The following SPRED2 variants were observed in gnomAD, a reference collection of about 807,000 sequenced individuals.
SPRED2 encodes the protein sprouty-related, EVH1 domain-containing protein 2.
A neutral mutation model predicts 43.0 loss-of-function variants in SPRED2; 47 were observed. That is an observed-to-expected ratio of 1.09 (90% confidence interval 0.87 to 1.40). SPRED2 has a LOEUF of 1.40. SPRED2 is among the 40% of genes most tolerant of loss of function. The pLI, the probability that SPRED2 is intolerant of heterozygous loss-of-function variation, is 0.00. For synonymous variants in SPRED2, 225 were observed against 225.7 expected, an observed-to-expected ratio of 1.00 and a Z score of 0.03; for missense variants, 561 against 586.4, an observed-to-expected ratio of 0.96 and a Z score of 0.45.
At chr2:65,353,754 G>C (rs1674572915) in intron 1 of SPRED2, among the ~76,000 whole-genome samples, 1 of 152,072 alleles carries the variant, frequency 6.6e-6, no homozygotes, top group South Asian at 2.1e-4. Flanking sequence ...AGATAATATA[G>C]ATTTAACTTA....
chr2:65,347,428 C>A (rs1674384401), intron 1 of SPRED2, among the ~76,000 whole-genome samples: 1 of 152,110 alleles, frequency 6.6e-6, no homozygotes, highest in South Asian at 2.1e-4. Flanking sequence ...CTACATTTCC[C>A]TGATCTGTCC....
rs550742838 is a variant in SPRED2 at position 65,370,794 on chromosome 2, GACC to G, written c.27-25901_27-25899del. Among the ~76,000 whole-genome samples, 415 of 152,174 alleles carry G rather than the reference GACC, an allele frequency of 2.7e-3. 2 individuals carry two copies. The highest frequency in any genetic ancestry group is 9.1e-3 in the African/African-American group (379 of 41,488). On this transcript the variant is annotated intron_variant, in intron 1 of 5. Transcript: ENST00000356388. ...GGTCTTTCCATCTCCCCTCTTTCCTGACCAGCCCATTCAGAAAGGACCTCCCCT... is the reference window on the plus strand; with the variant it reads ...GGTCTTTCCATCTCCCCTCTTTCCTGAGCCCATTCAGAAAGGACCTCCCCT...
intron 2 of SPRED2, among the ~76,000 whole-genome samples, chr2:65,338,202 C>CG (rs145091801): frequency 2.1e-5 from 2 of 97,146 alleles, no homozygotes; most frequent in African/African-American, 8.6e-5. Flanking sequence ...TCCCGTCTCC[C>CG]TCTCCCTCTC....
At chr2:65,416,152 CGGGAGGAT>C (rs1162729956) in intron 1 of SPRED2, among the ~76,000 whole-genome samples, 4 of 152,116 alleles carry the variant, frequency 2.6e-5, no homozygotes, top group South Asian at 2.1e-4. Context: ...AATACCAACT[CGGGAGGAT>C]GGGAGGATGG....
chr2:65,350,214 G>A (rs1390865935), intron 1 of SPRED2, among the ~76,000 whole-genome samples: 1 of 152,202 alleles, frequency 6.6e-6, no homozygotes, highest in African/African-American at 2.4e-5. Context: ...TTTGTTAGTG[G>A]TGGGGGGATG....
intron 1 of SPRED2, among the ~76,000 whole-genome samples, chr2:65,378,554 G>T (rs1171849044): frequency 1.3e-5 from 2 of 152,176 alleles, no homozygotes; most frequent in East Asian, 3.9e-4. Flanking sequence ...CGGTAAAAAG[G>T]AAAAAGAGCT....
chr2:65,322,029 C>T (rs1356734840), intron 4 of SPRED2, among the ~76,000 whole-genome samples: 1 of 151,748 alleles, frequency 6.6e-6, no homozygotes, highest in Non-Finnish European at 1.5e-5. Flanking sequence ...CCCACCTTGT[C>T]CTCCTAAAGT....
In SPRED2 at chr2:65,420,148, T is replaced by C. The variant is rs140357234; in HGVS notation, c.26+11814A>G. Among the ~76,000 whole-genome samples the C allele has an allele frequency of 3.5e-5, 5 of 144,288 alleles. No homozygotes were observed. The East Asian group carries it at 1.0e-3, about 29-fold the overall frequency. The allele number at this position is 144,288 out of a possible 152,430, so 94.7% of individuals were successfully genotyped here. Reference sequence around the variant, plus strand: ...TCGCTTGAACCCAGGAGGCGGCAGTTGCAGTGAGCCAAGACTGCACCACTG... The same window carrying C: ...TCGCTTGAACCCAGGAGGCGGCAGTCGCAGTGAGCCAAGACTGCACCACTG... On this transcript the variant is annotated intron_variant, in intron 1 of 5. Transcript: ENST00000356388.
At chr2:65,323,189 T>A (rs1673485288) in intron 4 of SPRED2, among the ~76,000 whole-genome samples, 1 of 152,148 alleles carries the variant, frequency 6.6e-6, no homozygotes, top group African/African-American at 2.4e-5. Context: ...GAGACAGGGT[T>A]TCGCCATGTT....
At chr2:65,327,357 T>C (rs1156338811) in intron 4 of SPRED2, among the ~76,000 whole-genome samples, 1 of 152,120 alleles carries the variant, frequency 6.6e-6, no homozygotes, top group Non-Finnish European at 1.5e-5. Context: ...TGAGATGATA[T>C]ATATGTAAAT....
At chr2:65,307,957 C>A (rs952672438), downstream of SPRED2, among the ~76,000 whole-genome samples, 30 of 152,174 alleles carry the variant, frequency 2.0e-4, no homozygotes, top group African/African-American at 7.0e-4. Context: ...CCCGCCCCCC[C>A]CATTCACACA....
intron 1 of SPRED2, among the ~76,000 whole-genome samples, chr2:65,376,819 A>AC (rs1344813883): frequency 6.6e-6 from 1 of 151,972 alleles, no homozygotes; most frequent in Non-Finnish European, 1.5e-5. Context: ...GGTTTACGCC[A>AC]TTCTCCTGCC....
intron 1 of SPRED2, among the ~76,000 whole-genome samples, chr2:65,392,826 C>G (rs1675668885): frequency 6.6e-6 from 1 of 152,228 alleles, no homozygotes; most frequent in Non-Finnish European, 1.5e-5. Context: ...CCTCCCCCTC[C>G]TCCAAGCCCT....
At chr2:65,365,211 T>C (rs1408177159) in intron 1 of SPRED2, among the ~76,000 whole-genome samples, 1 of 152,222 alleles carries the variant, frequency 6.6e-6, no homozygotes, top group Non-Finnish European at 1.5e-5. Flanking sequence ...TCCTCTACCA[T>C]AATTAGCACG....
intron 1 of SPRED2, among the ~76,000 whole-genome samples, chr2:65,388,481 G>C (rs1675554840): frequency 6.6e-6 from 1 of 152,132 alleles, no homozygotes; most frequent in African/African-American, 2.4e-5. Context: ...AAGGCCCATG[G>C]GCTTACGGCT....
chr2:65,373,330 A>C (rs1490614994), intron 1 of SPRED2, among the ~76,000 whole-genome samples: 1 of 152,196 alleles, frequency 6.6e-6, no homozygotes, highest in Non-Finnish European at 1.5e-5. Context: ...CATAAAGAAG[A>C]GGGGAGTGGA....
Position 65,344,815 on chromosome 2 carries a change from G to A in SPRED2, c.108C>T (p.Gly36=), listed in dbSNP as rs1360350056. The A allele has an allele frequency of 8.1e-6, 13 of 1,614,064 alleles. No individual in the cohort carries two copies. Among genetic ancestry groups the A allele is most frequent in the East Asian group, 6.7e-5 (3 of 44,882 alleles). ...SSGGWFPQEG[G]GISRVGVCKV... ...TACAGACCCCGACGCGACTGATCCC[G>A]CCTCCTTCCTGTGGGAACCATCCCC... The change falls in exon 2 of 6, where the codon GGC becomes GGT. Residue 36 remains glycine (G), a synonymous_variant. Coordinates refer to ENST00000356388, the MANE Select transcript of SPRED2 (RefSeq NM_181784.3).
intron 1 of SPRED2, among the ~76,000 whole-genome samples, chr2:65,382,757 G>A (rs921667844): frequency 2.0e-5 from 3 of 151,836 alleles, no homozygotes; most frequent in African/African-American, 4.8e-5. Flanking sequence ...TTTGTAATAA[G>A]GCTTCAAAAT....
rs1673100066 is a variant in SPRED2, at chr2:65,312,601, T to C, written c.*900A>G. ...AATTTCTTACTTCACTAGTATCCTATTCTAATATTGCTAAATTTTTAGAAG... is the reference window on the plus strand; with the variant it reads ...AATTTCTTACTTCACTAGTATCCTACTCTAATATTGCTAAATTTTTAGAAG... On this transcript the variant is annotated 3_prime_UTR_variant, in exon 6 of 6. Transcript: ENST00000356388. 2 of 985,736 alleles carry C rather than the reference T, an allele frequency of 2.0e-6. No individual in the cohort carries two copies. The highest frequency in any genetic ancestry group is 2.4e-6 in the Non-Finnish European group (2 of 829,922). 61.1% of individuals were successfully genotyped at this position (985,736 alleles called of 1,614,324 possible).
Sources: gnomAD v4.1 joint callset for allele counts (sites outside exome capture counted in the v4.1 genomes callset) on GRCh38, gnomAD v4.1.1 for gene constraint, MANE v1.5 for transcripts, NCBI Gene and HGNC (gene_info 2026-07-23, HGNC 2026-07-21) for gene names.